The following NRF1 variants were observed in gnomAD, a reference collection of about 807,000 sequenced individuals.
The protein encoded by NRF1 is nuclear respiratory factor 1.
NRF1 carries 5 observed loss-of-function variants against 58.5 expected under a neutral mutation model. That is an observed-to-expected ratio of 0.09 (90% CI 0.04 to 0.18). The LOEUF (loss-of-function observed/expected upper bound fraction) is 0.18, where lower values mean the gene tolerates loss of function less well. Among genes scored for constraint, NRF1 ranks in the 10% least tolerant of loss-of-function variants. The pLI is 1.00. For synonymous variants in NRF1, 224 were observed against 246.7 expected, an observed-to-expected ratio of 0.91 and a Z score of 0.86; for missense variants, 288 against 657.7, an observed-to-expected ratio of 0.44 and a Z score of 6.15.
intron 1 of NRF1, among the ~76,000 whole-genome samples, chr7:129,632,929 T>G (rs913813719): frequency 6.6e-6 from 1 of 152,182 alleles, no homozygotes; most frequent in African/African-American, 2.4e-5. Flanking sequence ...GTCTTCCCAC[T>G]TATGTATGTA....
chr7:129,714,314 A>G (rs1052816245), intron 8 of NRF1, among the ~76,000 whole-genome samples: 3 of 152,234 alleles, frequency 2.0e-5, no homozygotes, highest in African/African-American at 2.4e-5. Flanking sequence ...AAAAGTATCT[A>G]TATTGACTTG....
intron 4 of NRF1, among the ~76,000 whole-genome samples, chr7:129,681,574 TATTA>T (rs772534928): frequency 7.2e-5 from 11 of 152,094 alleles, no homozygotes; most frequent in Non-Finnish European, 1.2e-4. Context: ...AGTATTTATT[TATTA>T]ATTTATTTAT....
At chr7:129,694,712 T>TG (rs1335644305) in intron 5 of NRF1, among the ~76,000 whole-genome samples, 4 of 152,252 alleles carry the variant, frequency 2.6e-5, no homozygotes, top group Non-Finnish European at 2.9e-5. Context: ...TCACTATTAA[T>TG]GGGAGTAAAA....
chr7:129,683,579 C>T (rs557323482), intron 4 of NRF1, among the ~76,000 whole-genome samples: 2 of 150,704 alleles, frequency 1.3e-5, no homozygotes, highest in African/African-American at 4.9e-5. Flanking sequence ...ATCCACCTGC[C>T]TCGGCTTCCC....
chr7:129,666,685 C>G (rs960698854), intron 2 of NRF1, among the ~76,000 whole-genome samples: 3 of 152,156 alleles, frequency 2.0e-5, no homozygotes, highest in East Asian at 3.9e-4. Flanking sequence ...GCACACACCA[C>G]CATACCTGGC....
intron 5 of NRF1, among the ~76,000 whole-genome samples, chr7:129,700,820 G>T (rs1208784691): frequency 2.6e-5 from 4 of 152,174 alleles, no homozygotes; most frequent in Non-Finnish European, 5.9e-5. Context: ...GGAGGCTGAG[G>T]TGGTAGGATC....
At chr7:129,745,936 A>C (rs1358464172) in intron 10 of NRF1, among the ~76,000 whole-genome samples, 2 of 152,358 alleles carry the variant, frequency 1.3e-5, no homozygotes, top group South Asian at 4.1e-4. Flanking sequence ...AGCAGGCAAA[A>C]GATAGAGTGA....
At chr7:129,642,776 T>TTTTTTTTTTTG (rs1464724859) in intron 1 of NRF1, among the ~76,000 whole-genome samples, 1 of 137,064 alleles carries the variant, frequency 7.3e-6, no homozygotes, top group East Asian at 2.4e-4. Context: ...TTTTTTTTTT[T>TTTTTTTTTTTG]AAATGAGATA....
At chr7:129,654,346 C>A (rs1801603880) in intron 1 of NRF1, among the ~76,000 whole-genome samples, 2 of 151,976 alleles carry the variant, frequency 1.3e-5, no homozygotes. Flanking sequence ...TTTAAGAATT[C>A]CTTATTTTGG....
At chr7:129,742,751 C>A (rs977726159) in intron 10 of NRF1, among the ~76,000 whole-genome samples, 9 of 152,088 alleles carry the variant, frequency 5.9e-5, no homozygotes, top group African/African-American at 2.2e-4. Flanking sequence ...GTCGGAGGCA[C>A]GTTTATGATA....
At chr7:129,725,472 C>A (rs1803430467) in intron 9 of NRF1, among the ~76,000 whole-genome samples, 1 of 151,986 alleles carries the variant, frequency 6.6e-6, no homozygotes, top group Non-Finnish European at 1.5e-5. Flanking sequence ...GGATTACAGG[C>A]ATGCACCACC....
intron 1 of NRF1, among the ~76,000 whole-genome samples, chr7:129,641,172 G>C (rs1457667619): frequency 6.6e-6 from 1 of 152,048 alleles, no homozygotes; most frequent in Non-Finnish European, 1.5e-5. Flanking sequence ...TTAGACTTCT[G>C]TTCCTTGATT....
intron 10 of NRF1, among the ~76,000 whole-genome samples, chr7:129,746,653 T>C (rs1040482032): frequency 2.0e-5 from 3 of 152,256 alleles, no homozygotes; most frequent in African/African-American, 7.2e-5. Context: ...ATCCGGAATT[T>C]AATTTCTTAC....
intron 10 of NRF1, among the ~76,000 whole-genome samples, chr7:129,731,986 C>T (rs1803590238): frequency 1.3e-5 from 2 of 152,182 alleles, no homozygotes; most frequent in African/African-American, 4.8e-5. Flanking sequence ...AGAAGTCATA[C>T]AGTTCAGCCC....
chr7:129,736,832 A>T (rs1422788126), intron 10 of NRF1, among the ~76,000 whole-genome samples: 1 of 152,050 alleles, frequency 6.6e-6, no homozygotes, highest in Non-Finnish European at 1.5e-5. Flanking sequence ...CACTGAGAGT[A>T]AAAGGAGGAG....
chr7:129,698,774 A>G (rs866437883), intron 5 of NRF1, among the ~76,000 whole-genome samples: 10 of 152,318 alleles, frequency 6.6e-5, no homozygotes, highest in African/African-American at 1.4e-4. Flanking sequence ...GGTGATGCCA[A>G]TGCTGCTGTT....
chr7:129,706,732 G>A (rs1374518578), intron 5 of NRF1, among the ~76,000 whole-genome samples: 1 of 152,168 alleles, frequency 6.6e-6, no homozygotes, highest in African/African-American at 2.4e-5. Context: ...ACTTGAGGGT[G>A]AAAGATATCC....
chr7:129,734,283 GAC>G (rs1469258958), intron 10 of NRF1, among the ~76,000 whole-genome samples: 2 of 152,194 alleles, frequency 1.3e-5, no homozygotes, highest in Non-Finnish European at 1.5e-5. Context: ...GGGAAGCTGA[GAC>G]ACAGAAAGTT....
chr7:129,632,736 A>C (rs1356245111), intron 1 of NRF1, among the ~76,000 whole-genome samples: 1 of 152,160 alleles, frequency 6.6e-6, no homozygotes, highest in African/African-American at 2.4e-5. Context: ...CTTTATTGGT[A>C]CATGTAGTTA....
Sources: allele counts gnomAD v4.1 joint callset (sites outside exome capture counted in the v4.1 genomes callset), GRCh38; gene constraint gnomAD v4.1.1; transcripts MANE v1.5; gene names NCBI Gene and HGNC (gene_info 2026-07-23, HGNC 2026-07-21).